The following CTNNA3 variants were observed in gnomAD, a reference collection of about 807,000 sequenced individuals.
CTNNA3 encodes the protein catenin alpha 3.
Under a neutral mutation model 95.7 loss-of-function variants are expected in CTNNA3, and 76 were observed. The ratio of observed to expected loss-of-function variants is 0.79; its 90% CI spans 0.66 to 0.96. The LOEUF is 0.96. CTNNA3 is among the 40% of genes least tolerant of loss of function. The probability of loss-of-function intolerance (pLI) is 0.00; values close to 1 mark genes in which losing one functional copy is unlikely to be tolerated. For missense variants in CTNNA3, 1,191 were observed against 1,089.8 expected (o/e 1.09, Z -1.31); for synonymous variants, 431 against 374.4 (o/e 1.15, Z -1.74).
At chr10:66,258,345 A>G (rs929705633) in intron 13 of CTNNA3, among the ~76,000 whole-genome samples, 4 of 152,250 alleles carry the variant, frequency 2.6e-5, no homozygotes, top group Non-Finnish European at 5.9e-5. Flanking sequence ...GCTCCTGAAG[A>G]TCTTATCTTA....
chr10:67,541,722 G>C (rs973292911), intron 3 of CTNNA3, among the ~76,000 whole-genome samples: 9 of 152,048 alleles, frequency 5.9e-5, no homozygotes, highest in African/African-American at 9.7e-5. Flanking sequence ...ATTTCTAATA[G>C]AGATGGTAAA....
At chr10:66,617,633 C>T (rs1043810461) in intron 10 of CTNNA3, among the ~76,000 whole-genome samples, 1 of 152,110 alleles carries the variant, frequency 6.6e-6, no homozygotes, top group Non-Finnish European at 1.5e-5. Flanking sequence ...TGGAAGCATT[C>T]CCTTTGAAAA....
chr10:66,303,485 T>C (rs1023232329), intron 12 of CTNNA3, among the ~76,000 whole-genome samples: 1 of 147,518 alleles, frequency 6.8e-6, no homozygotes, highest in African/African-American at 2.5e-5. Flanking sequence ...GCTCTGCACA[T>C]CATTATGGGT....
At chr10:66,744,215 T>A (rs767501644) in intron 9 of CTNNA3, among the ~76,000 whole-genome samples, 2 of 152,158 alleles carry the variant, frequency 1.3e-5, no homozygotes, top group Non-Finnish European at 2.9e-5. Context: ...CACCAAGAAC[T>A]GATATGATCA....
chr10:66,632,105 T>C (rs1283585472), intron 9 of CTNNA3, among the ~76,000 whole-genome samples: 2 of 152,092 alleles, frequency 1.3e-5, no homozygotes, highest in African/African-American at 4.8e-5. Context: ...TAGTGAGAAA[T>C]ATCAGATTCC....
At chr10:67,158,021 C>T (rs1191584918) in intron 7 of CTNNA3, among the ~76,000 whole-genome samples, 1 of 152,120 alleles carries the variant, frequency 6.6e-6, no homozygotes, top group Non-Finnish European at 1.5e-5. Context: ...AGGTTGCAGA[C>T]TGTCTCGGCC....
intron 7 of CTNNA3, among the ~76,000 whole-genome samples, chr10:67,149,927 AT>A (rs1276685962): frequency 6.6e-6 from 1 of 152,218 alleles, no homozygotes; most frequent in East Asian, 1.9e-4. Flanking sequence ...AGGCATTCTT[AT>A]TTAGAATTTT....
At chr10:66,451,729 C>G (rs2093466119) in intron 11 of CTNNA3, among the ~76,000 whole-genome samples, 1 of 151,940 alleles carries the variant, frequency 6.6e-6, no homozygotes, top group African/African-American at 2.4e-5. Flanking sequence ...TTGGGATTAT[C>G]CATTTTTATA....
chr10:67,174,913 A>G (rs1214311814), intron 7 of CTNNA3, among the ~76,000 whole-genome samples: 1 of 152,188 alleles, frequency 6.6e-6, no homozygotes, highest in Non-Finnish European at 1.5e-5. Context: ...AGTTATCCAG[A>G]TATCTGTAAA....
At chr10:66,237,048 C>G (rs1338240324) in intron 13 of CTNNA3, among the ~76,000 whole-genome samples, 2 of 152,094 alleles carry the variant, frequency 1.3e-5, no homozygotes, top group Non-Finnish European at 2.9e-5. Context: ...AGGATCACTT[C>G]AGCCCAGGAG....
chr10:66,404,763 T>C (rs2093044445), intron 11 of CTNNA3, among the ~76,000 whole-genome samples: 1 of 144,584 alleles, frequency 6.9e-6, no homozygotes, highest in African/African-American at 2.7e-5. Context: ...CTTAAAACAT[T>C]ATGAGGTTTT....
intron 17 of CTNNA3, among the ~76,000 whole-genome samples, chr10:65,954,796 G>A (rs2077695961): frequency 6.6e-6 from 1 of 152,154 alleles, no homozygotes; most frequent in African/African-American, 2.4e-5. Context: ...TAGCCTTGTA[G>A]CATAGTTTGA....
chr10:66,563,852 A>C (rs1842626125), intron 10 of CTNNA3, among the ~76,000 whole-genome samples: 1 of 152,140 alleles, frequency 6.6e-6, no homozygotes, highest in African/African-American at 2.4e-5. Context: ...TGAAAGGATA[A>C]TCAGAAACTC....
chr10:67,298,459 TTTTACAGGA>T (rs1342730610), intron 5 of CTNNA3, among the ~76,000 whole-genome samples: 1 of 152,230 alleles, frequency 6.6e-6, no homozygotes, highest in Non-Finnish European at 1.5e-5. Context: ...GCCCTTCAAA[TTTTACAGGA>T]TTTATCTCCC....
intron 7 of CTNNA3, among the ~76,000 whole-genome samples, chr10:66,960,201 CAATGAAAATGTGTA>C (rs1203401415): frequency 3.9e-5 from 6 of 151,988 alleles, no homozygotes; most frequent in Non-Finnish European, 7.4e-5. Flanking sequence ...ACCATTTTCA[CAATGAAAATGTGTA>C]GAATTTAAAA....
chr10:66,379,079 C>T, intron 12 of CTNNA3, 73 bp downstream of exon 12: 1 of 1,252,946 alleles, frequency 8.0e-7, no homozygotes, highest in South Asian at 1.2e-5. Flanking sequence ...ATCTTTCCCA[C>T]ATGTATGAAT....
chr10:67,583,901 C>T (rs1842516831), intron 3 of CTNNA3, among the ~76,000 whole-genome samples: 1 of 152,154 alleles, frequency 6.6e-6, no homozygotes, highest in African/African-American at 2.4e-5. Context: ...CCATGGTTTT[C>T]AGCTCTATCA....
intron 9 of CTNNA3, among the ~76,000 whole-genome samples, chr10:66,676,604 C>G (rs1215282011): frequency 6.6e-6 from 1 of 152,054 alleles, no homozygotes; most frequent in Non-Finnish European, 1.5e-5. Flanking sequence ...CTCTCTTTCT[C>G]CCTCTCACAA....
intron 9 of CTNNA3, among the ~76,000 whole-genome samples, chr10:66,679,372 T>C (rs916222504): frequency 1.3e-5 from 2 of 152,144 alleles, no homozygotes; most frequent in African/African-American, 4.8e-5. Flanking sequence ...CTCGTGTAAA[T>C]ACAAGATGAG....
Sources: allele counts gnomAD v4.1 joint callset (sites outside exome capture counted in the v4.1 genomes callset), GRCh38; gene constraint gnomAD v4.1.1; transcripts MANE v1.5; gene names NCBI Gene and HGNC (gene_info 2026-07-23, HGNC 2026-07-21).